Variants in SPTLC1 observed in about 807,000 individuals in gnomAD.
SPTLC1 encodes the protein serine palmitoyltransferase 1.
SPTLC1 carries 55 observed loss-of-function variants against 68.9 expected under a neutral mutation model. The ratio of observed to expected loss-of-function variants is 0.80; its 90% confidence interval spans 0.64 to 1.00. The LOEUF (loss-of-function observed/expected upper bound fraction) is 1.00. SPTLC1 is among the 50% of genes least tolerant of loss of function. The probability of loss-of-function intolerance (pLI) is 0.00; values close to 1 mark genes in which losing one functional copy is unlikely to be tolerated. For missense variants in SPTLC1, 449 were observed against 573.1 expected (o/e 0.78, Z 2.21); for synonymous variants, 197 against 201.6 (o/e 0.98, Z 0.19).
chr9:92,079,127 G>A lies in SPTLC1; in HGVS notation c.427+889C>T, dbSNP rs932745362. On this transcript the variant is annotated intron_variant, in intron 5 of 14. Transcript: ENST00000262554. ...GTCTTGCTCTGTTGCCCAGGCTGGA[G>A]TGCAGTGGCATGATCTCGGCTCACT... The A allele has an allele frequency of 2.5e-5, 14 of 566,940 alleles. No individual in the cohort carries two copies. The African/African-American group carries it at 2.8e-4, about 11-fold the overall frequency. The allele number at this position is 566,940 out of a possible 1,614,324, so 35.1% of individuals were successfully genotyped here.
chr9:92,051,247 T>C lies in SPTLC1; in HGVS notation c.781-1180A>G, dbSNP rs182817664. 267 of 984,760 alleles carry C rather than the reference T, an allele frequency of 2.7e-4. 1 individual carries two copies. In the African/African-American group the frequency reaches 3.7e-3, roughly 14 times the overall value. The allele number at this position is 984,760 out of a possible 1,614,324, so 61.0% of individuals were successfully genotyped here. A position where few individuals can be genotyped will look rare whatever the true frequency, so the allele number is the denominator to read the frequency against. On this transcript the variant is annotated intron_variant, in intron 8 of 14. Transcript: ENST00000262554. ...AAAAACAACATATGGAACCCTTATTTTGAATCCTTATTCAATTAATAGACT... is the reference window on the plus strand; with the variant it reads ...AAAAACAACATATGGAACCCTTATTCTGAATCCTTATTCAATTAATAGACT...
At chr9:92,060,927 C>G (rs1233065294) in intron 6 of SPTLC1, among the ~76,000 whole-genome samples, 1 of 137,654 alleles carries the variant, frequency 7.3e-6, no homozygotes, top group Non-Finnish European at 1.6e-5. Context: ...AAAAAAAAAA[C>G]AAAGAAAAAA....
At chr9:92,082,639 T>C (rs1834929886) in intron 3 of SPTLC1, among the ~76,000 whole-genome samples, 2 of 152,074 alleles carry the variant, frequency 1.3e-5, no homozygotes, top group South Asian at 2.1e-4. Flanking sequence ...CAGTCTATCA[T>C]TGTCGGACAT....
chr9:92,079,353 G>A, intron 5 of SPTLC1: 1 of 1,418,368 alleles, frequency 7.1e-7, no homozygotes. Context: ...TGGGATTACA[G>A]GCATGAGCCA....
At position 92,098,581 on chromosome 9, in the gene SPTLC1, AAAG is replaced by A. The variant is rs1268606530; in HGVS notation, c.260+10156_260+10158del. Reference sequence around the variant, plus strand: ...TAAAAATATTGTGCATATTGAAAAAAAAGAAGGGATGTTAACAATCACCAGATA... The same window carrying A: ...TAAAAATATTGTGCATATTGAAAAAAAAGGGATGTTAACAATCACCAGATA... On this transcript the variant is annotated intron_variant, in intron 3 of 14. Coordinates refer to ENST00000262554, the MANE Select transcript of SPTLC1 (RefSeq NM_006415.4). Among the ~76,000 whole-genome samples, 7 of 152,326 alleles carry A rather than the reference AAAG, an allele frequency of 4.6e-5. No homozygotes were observed. The East Asian group carries it at 5.8e-4, about 13-fold the overall frequency.
intron 14 of SPTLC1, 67 bp from the exon 15 acceptor site, chr9:92,032,625 C>A: frequency 9.3e-6 from 15 of 1,605,184 alleles, no homozygotes; most frequent in African/African-American, 1.3e-5. Flanking sequence ...CGCCTGTAAT[C>A]CCAGCACTTT....
intron 8 of SPTLC1, chr9:92,055,198 C>A (rs1420116108): frequency 1.0e-6 from 1 of 984,554 alleles, no homozygotes; most frequent in African/African-American, 1.7e-5. Context: ...TGCACTCCAG[C>A]CTGGGCAACA....
chr9:92,101,023 A>G (rs1033322480), intron 3 of SPTLC1, among the ~76,000 whole-genome samples: 9 of 152,214 alleles, frequency 5.9e-5, no homozygotes, highest in African/African-American at 2.2e-4. Context: ...ATAAATATAA[A>G]CATAGGAGAT....
At chr9:92,087,429 T>C (rs1475580240) in intron 3 of SPTLC1, among the ~76,000 whole-genome samples, 1 of 152,236 alleles carries the variant, frequency 6.6e-6, no homozygotes, top group Non-Finnish European at 1.5e-5. Context: ...TTGGTGTGCA[T>C]GTCCTTTCTG....
intron 6 of SPTLC1, among the ~76,000 whole-genome samples, chr9:92,065,805 T>C (rs568023089): frequency 9.8e-5 from 15 of 152,314 alleles, no homozygotes; most frequent in African/African-American, 3.4e-4. Flanking sequence ...AGTATACTAC[T>C]TAGACCCAGG....
chr9:92,101,423 G>A (rs1199830508), intron 3 of SPTLC1, among the ~76,000 whole-genome samples: 1 of 151,216 alleles, frequency 6.6e-6, no homozygotes, highest in Non-Finnish European at 1.5e-5. Flanking sequence ...TTAGCCGGGC[G>A]TGGTGGCGGG....
intron 2 of SPTLC1, chr9:92,110,540 C>T (rs1442293363): frequency 2.0e-5 from 3 of 152,064 alleles, no homozygotes; most frequent in African/African-American, 7.2e-5. Context: ...TAAATGATTT[C>T]GACTCATTAG....
chr9:92,101,061 G>A (rs1342195854), intron 3 of SPTLC1, among the ~76,000 whole-genome samples: 1 of 152,098 alleles, frequency 6.6e-6, no homozygotes, highest in Non-Finnish European at 1.5e-5. Context: ...AATGAAACTT[G>A]ACACCACCAA....
chr9:92,087,421 G>C (rs1835187597), intron 3 of SPTLC1, among the ~76,000 whole-genome samples: 1 of 152,250 alleles, frequency 6.6e-6, no homozygotes, highest in South Asian at 2.1e-4. Context: ...ATGGGTTTTT[G>C]GTGTGCATGT....
intron 5 of SPTLC1, among the ~76,000 whole-genome samples, chr9:92,069,713 C>G (rs1834416554): frequency 6.6e-6 from 1 of 152,150 alleles, no homozygotes; most frequent in South Asian, 2.1e-4. Context: ...CTCTCACGTT[C>G]CCAGGTAGGA....
At chr9:92,104,717 G>A in intron 3 of SPTLC1, 1 of 1,529,990 alleles carries the variant, frequency 6.5e-7, no homozygotes, top group Non-Finnish European at 8.7e-7. Flanking sequence ...GGGGCAGGAG[G>A]ACAATAAAAG....
chr9:92,077,279 G>C (rs1419908293), intron 5 of SPTLC1, among the ~76,000 whole-genome samples: 1 of 152,074 alleles, frequency 6.6e-6, no homozygotes, highest in African/African-American at 2.4e-5. Flanking sequence ...CAACAGGCTA[G>C]ACAGGAAATC....
chr9:92,055,885 T>C (rs750924917), intron 7 of SPTLC1, among the ~76,000 whole-genome samples: 3 of 152,188 alleles, frequency 2.0e-5, no homozygotes, highest in Non-Finnish European at 4.4e-5. Flanking sequence ...CAAAATTGTA[T>C]GGCTGCATTC....
intron 8 of SPTLC1, chr9:92,053,867 A>G: frequency 1.3e-6 from 1 of 765,078 alleles, no homozygotes; most frequent in Non-Finnish European, 1.6e-6. Context: ...TAAATGTAAT[A>G]AATGTCACTG....
Sources: allele counts gnomAD v4.1 joint callset (sites outside exome capture counted in the v4.1 genomes callset), GRCh38; gene constraint gnomAD v4.1.1; transcripts MANE v1.5; gene names NCBI Gene and HGNC (gene_info 2026-07-23, HGNC 2026-07-21).